TBX10: variants seen among roughly 807,000 people sequenced by gnomAD.
The protein encoded by TBX10 is T-box transcription factor 10, also known as T-box transcription factor TBX10.
A neutral mutation model predicts 32.4 loss-of-function variants in TBX10; 26 were observed. The observed-to-expected ratio is 0.80, with a 90% CI of 0.59 to 1.11. TBX10 has a LOEUF of 1.11. Ranked by LOEUF, TBX10 falls within the 50% of genes most tolerant of loss-of-function variation. The probability of loss-of-function intolerance (pLI) is 0.00; values close to 1 mark genes in which losing one functional copy is unlikely to be tolerated. For missense variants in TBX10, 490 were observed against 494.5 expected, an observed-to-expected ratio of 0.99 and a Z score of 0.09; for synonymous variants, 195 against 203.1, an observed-to-expected ratio of 0.96 and a Z score of 0.34.
rs1181744168 is a variant in TBX10, at chr11:67,633,020, G to A, written c.633C>T (p.Ala211=). 1.2e-6 allele frequency: 2 copies of A among 1,614,074 alleles called. No homozygotes were observed. Among genetic ancestry groups the A allele is most frequent in the Admixed American group, 1.7e-5 (1 of 60,004 alleles). ...AGATGAAGGACTTGAAGTTCTCCTG[G>A]GCATAGCGCTCACTGTCCTTGCGTG... The part of the protein sequence containing the change: ...VDPRKDSERY[A]QENFKSFIFT... Residue 211 remains alanine, a synonymous_variant, in exon 5 of 8, where the codon GCC becomes GCT. Transcript: ENST00000335385.
At position 67,631,588 on chromosome 11, in the gene TBX10, C is replaced by G. The variant is rs762108181; in HGVS notation, c.*17G>C. 1 of 1,584,808 alleles carries G rather than the reference C, an allele frequency of 6.3e-7. No homozygotes were observed. Among genetic ancestry groups the G allele is most frequent in the East Asian group, 2.3e-5 (1 of 44,250 alleles). Reference sequence around the variant, plus strand: ...TAAGGTCCAGGGTAGCAGGGCTTCCCCCCAGGGCTTCTGGCATCACTGGGA... The same window carrying G: ...TAAGGTCCAGGGTAGCAGGGCTTCCGCCCAGGGCTTCTGGCATCACTGGGA... On this transcript the variant is annotated 3_prime_UTR_variant, in exon 8 of 8. Transcript: ENST00000335385.
chr11:67,635,234 C>T lies in TBX10; in HGVS notation c.37G>A (p.Ala13Thr). 1.2e-6 allele frequency: 2 copies of T among 1,613,604 alleles called. No individual in the cohort carries two copies. The highest frequency in any genetic ancestry group is 1.7e-6 in the Non-Finnish European group (2 of 1,180,022). The change falls in exon 2 of 8, where the codon GCA (alanine) becomes ACA (threonine). Residue 13 changes from alanine (A) to threonine (T), a missense_variant. Transcript: ENST00000335385. ...AFLSAGLGILAPSETYPLPTT... is the reference protein window; with the variant it reads ...AFLSAGLGILTPSETYPLPTT... ...GGTAGGGGGTAGGTCTCTGAGGGTG[C>T]AAGTATGCCGAGGCCAGCAGATAGG... is the stretch of plus-strand genomic sequence containing the variant.
At chr11:67,635,334 A>G in intron 1 of TBX10, 71 bp from the exon 2 acceptor site, 1 of 1,601,888 alleles carries the variant, frequency 6.2e-7, no homozygotes, top group South Asian at 1.1e-5. Context: ...GGCTGCACCT[A>G]TATGCCTCTT....
At position 67,634,810 on chromosome 11, in the gene TBX10, C is replaced by T. The variant is rs1317414306; in HGVS notation, c.377+6G>A. Reference sequence around the variant, plus strand: ...CTGAGCCTTTGCCCCAGGCCGGTCCCCGCACCTGTATCTCTTGTCGTCCAG... The same window carrying T: ...CTGAGCCTTTGCCCCAGGCCGGTCCTCGCACCTGTATCTCTTGTCGTCCAG... On this transcript the variant is annotated splice_donor_region_variant and intron_variant, in intron 3 of 7. Coordinates refer to ENST00000335385, the MANE Select transcript of TBX10 (RefSeq NM_005995.5). 4 of 1,613,226 alleles carry T rather than the reference C, an allele frequency of 2.5e-6. No individual in the cohort carries two copies. Among genetic ancestry groups the T allele is most frequent in the Non-Finnish European group, 3.4e-6 (4 of 1,179,984 alleles).
chr11:67,638,371 G>A (rs1214068375), intron 1 of TBX10, among the ~76,000 whole-genome samples: 1 of 152,222 alleles, frequency 6.6e-6, no homozygotes, highest in African/African-American at 2.4e-5. Context: ...TGAGAAGCTG[G>A]AAGGGCCATG....
At position 67,631,684 on chromosome 11, in the gene TBX10, C is replaced by T; in HGVS notation, c.1079G>A (p.Gly360Glu). The change falls in exon 8 of 8, where the codon GGA becomes GAA. Residue 360 changes from glycine (G) to glutamate (E), a missense_variant. Gly to Glu is a moderately conservative substitution (Grantham distance 98). This residue lies in a region of TBX10 where 177 missense variants were observed against 176.6 expected (regional missense o/e 1.00). Coordinates refer to ENST00000335385, the MANE Select transcript of TBX10 (RefSeq NM_005995.5). The part of the protein sequence containing the change: ...LPNIRADRDQ[G>E]GLPLPAGLGL... Reference sequence around the variant, plus strand: ...CAGCCCAGCTGGGAGAGGCAGGCCTCCTTGATCCCTATCAGCCCGGATGTT... The same window carrying T: ...CAGCCCAGCTGGGAGAGGCAGGCCTTCTTGATCCCTATCAGCCCGGATGTT... 1 of 1,607,968 alleles carries T rather than the reference C, an allele frequency of 6.2e-7. No individual in the cohort carries two copies. The highest frequency in any genetic ancestry group is 1.1e-5 in the South Asian group (1 of 89,882).
chr11:67,638,945 C>T (rs1222182536), intron 1 of TBX10, among the ~76,000 whole-genome samples: 1 of 152,322 alleles, frequency 6.6e-6, no homozygotes, highest in South Asian at 2.1e-4. Flanking sequence ...TTCACTGGGC[C>T]TGGAGGCTTT....
intron 1 of TBX10, among the ~76,000 whole-genome samples, chr11:67,637,751 G>A (rs2134102001): frequency 6.6e-6 from 1 of 152,248 alleles, no homozygotes; most frequent in East Asian, 1.9e-4. Context: ...ATTATTGTTA[G>A]CAGATATTTA....
chr11:67,638,628 G>C (rs1257955132), intron 1 of TBX10, among the ~76,000 whole-genome samples: 1 of 152,214 alleles, frequency 6.6e-6, no homozygotes, highest in African/African-American at 2.4e-5. Flanking sequence ...TAGGTGCCTG[G>C]GGAGAATGTG....
At chr11:67,631,915 A>G (rs1855242201) in intron 7 of TBX10, 21 bp from the exon 8 acceptor site, 2 of 1,558,058 alleles carry the variant, frequency 1.3e-6, no homozygotes, top group South Asian at 1.2e-5. Context: ...AAATGAGTGG[A>G]CTCTGGGCCT....
At chr11:67,639,393 T>TCCCCCCCCCCCCC in intron 1 of TBX10, 73 bp downstream of exon 1, 1 of 726,924 alleles carries the variant, frequency 1.4e-6, no homozygotes, top group South Asian at 1.4e-5. Flanking sequence ...CTGTCTTGGT[T>TCCCCCCCCCCCCC]CCCACCCTGC....
At chr11:67,636,006 G>C (rs1267620796) in intron 1 of TBX10, among the ~76,000 whole-genome samples, 1 of 151,478 alleles carries the variant, frequency 6.6e-6, no homozygotes, top group Non-Finnish European at 1.5e-5. Flanking sequence ...CATTAAGATG[G>C]CTATTAGAAA....
chr11:67,635,278 C>A lies in TBX10; in HGVS notation c.8-15G>T. ...AGATAGGAAGGCTGTGGAGAGAGGA[C>A]GGAAGTGTGGGCCCCACGCATCACC... On this transcript the variant is annotated splice_polypyrimidine_tract_variant and intron_variant, in intron 1 of 7. Coordinates refer to ENST00000335385, the MANE Select transcript of TBX10 (RefSeq NM_005995.5). 1 of 1,612,826 alleles carries A rather than the reference C, an allele frequency of 6.2e-7. No individual in the cohort carries two copies. The highest frequency in any genetic ancestry group is 8.5e-7 in the Non-Finnish European group (1 of 1,179,984).
intron 1 of TBX10, 31 bp downstream of exon 1, chr11:67,639,435 G>C (rs990858575): frequency 8.2e-7 from 1 of 1,223,882 alleles, no homozygotes; most frequent in African/African-American, 1.8e-5. Context: ...CCTGACCCAT[G>C]AGGCCACCTC....
intron 6 of TBX10, 79 bp downstream of exon 6, chr11:67,632,524 T>G: frequency 1.3e-6 from 2 of 1,591,140 alleles, no homozygotes; most frequent in South Asian, 1.1e-5. Flanking sequence ...GGTGTGACCC[T>G]GAAACAAGGG....
At position 67,634,959 on chromosome 11, in the gene TBX10, C is replaced by T. The variant is rs777317919; in HGVS notation, c.275+37G>A. ...CTCAGCAGCCGGATGCGGCTCCAAC[C>T]CTGGCCCCTGCCTCACCCCGCCCCC... On this transcript the variant is annotated intron_variant, in intron 2 of 7. Coordinates refer to ENST00000335385, the MANE Select transcript of TBX10 (RefSeq NM_005995.5). 6.2e-6 allele frequency: 10 copies of T among 1,613,004 alleles called. No homozygotes were observed. The East Asian group carries it at 2.2e-4, about 36-fold the overall frequency.
At chr11:67,639,409 C>CCCCCCCCCG in intron 1 of TBX10, 57 bp downstream of exon 1, 1 of 1,507,022 alleles carries the variant, frequency 6.6e-7, no homozygotes, top group Non-Finnish European at 9.2e-7. Context: ...CCTGCCCACC[C>CCCCCCCCCG]ACCCTGGAAC....
intron 5 of TBX10, 137 bp from the exon 6 acceptor site, chr11:67,632,807 C>T: frequency 1.3e-6 from 2 of 1,546,802 alleles, no homozygotes; most frequent in Non-Finnish European, 1.8e-6. Flanking sequence ...GGAGTGCGGG[C>T]AGGGCCTTGA....
At chr11:67,636,280 C>A (rs2134101114) in intron 1 of TBX10, among the ~76,000 whole-genome samples, 1 of 150,376 alleles carries the variant, frequency 6.6e-6, no homozygotes, top group African/African-American at 2.4e-5. Context: ...ATGGGATCTC[C>A]CTATGTTGCC....
Sources: gnomAD v4.1 joint callset for allele counts (sites outside exome capture counted in the v4.1 genomes callset) on GRCh38, gnomAD v4.1.1 for gene constraint, gnomAD v4.1.1 regional missense constraint, MANE v1.5 for transcripts, NCBI Gene and HGNC (gene_info 2026-07-23, HGNC 2026-07-21) for gene names.